The following SP140 variants were observed in gnomAD, a reference collection of about 807,000 sequenced individuals.
SP140 encodes SP140 nuclear body protein.
SP140 carries 81 observed loss-of-function variants against 125.0 expected under a neutral mutation model. That is an observed-to-expected ratio of 0.65 (90% CI 0.54 to 0.78). The LOEUF is 0.78. Among genes scored for constraint, SP140 ranks in the 30% least tolerant of loss-of-function variants. The probability of loss-of-function intolerance (pLI) is 0.00; values close to 1 mark genes in which losing one functional copy is unlikely to be tolerated. For missense variants in SP140, 858 were observed against 1,037.0 expected (o/e 0.83, Z 2.37); for synonymous variants, 312 against 354.0 (o/e 0.88, Z 1.33).
At chr2:230,312,507 T>C in intron 26 of SP140, 79 bp from the exon 27 acceptor site, 1 of 922,100 alleles carries the variant, frequency 1.1e-6, no homozygotes, top group South Asian at 1.5e-5. Context: ...AAGACAAGAG[T>C]CCTGATCATT....
downstream of SP140, among the ~76,000 whole-genome samples, chr2:230,314,235 GGAA>G (rs2059465222): frequency 6.6e-6 from 1 of 152,136 alleles, no homozygotes; most frequent in South Asian, 2.1e-4. Flanking sequence ...TCCCCTTGTT[GGAA>G]GAATGAGCTA....
chr2:230,251,116 T>G, intron 10 of SP140, 55 bp downstream of exon 10: 4 of 1,429,502 alleles, frequency 2.8e-6, no homozygotes, highest in South Asian at 1.2e-5. Flanking sequence ...GAGGTTGAAT[T>G]TGGAGCTTGT....
Position 230,211,372 on chromosome 2 carries a change from C to G in SP140, c.-322-2282C>G, listed in dbSNP as rs2044454523. On this transcript the variant is annotated intron_variant, in intron 1 of 4. Coordinates refer to the SP140 transcript ENST00000456542. The surrounding 1 kb of genome is among the most constrained non-coding windows in gnomAD (Gnocchi z 4.2). ...AAGCTGGGCCAAGATTGCTGAGAGG[C>G]AGGAGGAGAGCCCCCTCTCTAGAAG... 2 of 820,292 alleles carry G rather than the reference C, an allele frequency of 2.4e-6. No homozygotes were observed. The highest frequency in any genetic ancestry group is 4.9e-5 in the East Asian group (2 of 41,034). The allele number at this position is 820,292 out of a possible 1,614,324, so 50.8% of individuals were successfully genotyped here. A position where few individuals can be genotyped will look rare whatever the true frequency, so the allele number is the denominator to read the frequency against.
intron 22 of SP140, among the ~76,000 whole-genome samples, chr2:230,307,982 TATATATATACACACACAC>T (rs1194160753): frequency 8.9e-4 from 83 of 93,610 alleles, no homozygotes; most frequent in African/African-American, 3.2e-3. Context: ...TATATATATA[TATATATATACACACACAC>T]ACACACACAC....
chr2:230,201,897 A>C (rs1429172830), upstream of SP140, among the ~76,000 whole-genome samples: 1 of 152,242 alleles, frequency 6.6e-6, no homozygotes, highest in African/African-American at 2.4e-5. Flanking sequence ...GTAGTATTAA[A>C]GGTGAATATC....
intron 10 of SP140, among the ~76,000 whole-genome samples, chr2:230,252,383 G>A (rs2050504978): frequency 1.3e-5 from 2 of 151,988 alleles, no homozygotes; most frequent in South Asian, 4.2e-4. Context: ...TGCCTTAATA[G>A]GCATAGAGTG....
intron 16 of SP140, among the ~76,000 whole-genome samples, chr2:230,285,396 G>T (rs2056240276): frequency 6.6e-6 from 1 of 152,146 alleles, no homozygotes; most frequent in Non-Finnish European, 1.5e-5. Flanking sequence ...GTTGGTGGAT[G>T]TGACAGCTTT....
At chr2:230,205,369 T>C (rs1232120762) in intron 1 of SP140, among the ~76,000 whole-genome samples, 1 of 152,212 alleles carries the variant, frequency 6.6e-6, no homozygotes, top group Non-Finnish European at 1.5e-5. Context: ...TCAGGTTCTT[T>C]GCACTTTTGA....
At chr2:230,248,837 G>C (rs568957474) in intron 8 of SP140, 48 bp from the exon 9 acceptor site, 1 of 1,482,268 alleles carries the variant, frequency 6.7e-7, no homozygotes, top group Admixed American at 1.7e-5. Flanking sequence ...ACTGAGGCCT[G>C]TGTCCAAGTC....
chr2:230,233,116 A>G (rs2047488857), intron 1 of SP140, among the ~76,000 whole-genome samples: 1 of 152,030 alleles, frequency 6.6e-6, no homozygotes. Flanking sequence ...TTTATTTTCT[A>G]TAAGAAAAAG....
At chr2:230,283,158 G>A (rs1270884655) in intron 15 of SP140, among the ~76,000 whole-genome samples, 2 of 152,284 alleles carry the variant, frequency 1.3e-5, no homozygotes, top group Admixed American at 6.5e-5. Context: ...TCTCAGAGGC[G>A]GGAGCGCTGG....
upstream of SP140, among the ~76,000 whole-genome samples, chr2:230,223,839 G>T (rs541905240): frequency 6.6e-6 from 1 of 152,192 alleles, no homozygotes; most frequent in Non-Finnish European, 1.5e-5. Flanking sequence ...AAATCTTCCA[G>T]GTAGAATGAA....
chr2:230,215,900 T>C (rs1215649038), intron 3 of SP140, among the ~76,000 whole-genome samples: 1 of 152,166 alleles, frequency 6.6e-6, no homozygotes, highest in African/African-American at 2.4e-5. Context: ...CTTCATGAGA[T>C]GAGTTGGCCA....
At chr2:230,228,859 CT>C (rs2046836716) in intron 1 of SP140, among the ~76,000 whole-genome samples, 4 of 152,074 alleles carry the variant, frequency 2.6e-5, no homozygotes, top group African/African-American at 9.6e-5. Flanking sequence ...GATCTCTTGT[CT>C]TTTAATTGGT....
chr2:230,257,279 C>A lies in SP140; in HGVS notation c.1240+1747C>A, dbSNP rs189604325. On this transcript the variant is annotated intron_variant, in intron 12 of 26. Coordinates refer to ENST00000392045, the MANE Select transcript of SP140 (RefSeq NM_007237.5). Reference sequence around the variant, plus strand: ...AAATACTTGAATGTAATCTACGATACGAGATAGGAGATATCCAGAAAAATA... The same window carrying A: ...AAATACTTGAATGTAATCTACGATAAGAGATAGGAGATATCCAGAAAAATA... 5.8e-3 allele frequency among the ~76,000 whole-genome samples: 876 copies of A among 151,258 alleles called. 3 individuals carry two copies. The highest frequency in any genetic ancestry group is 0.01 in the Non-Finnish European group (698 of 67,858).
At chr2:230,222,850 T>G (rs548229922), upstream of SP140, among the ~76,000 whole-genome samples, 30 of 151,640 alleles carry the variant, frequency 2.0e-4, no homozygotes, top group East Asian at 5.0e-3. Context: ...GTTTTTTTTT[T>G]TTTTTTTTTT....
chr2:230,215,686 A>T lies in SP140; in HGVS notation c.-91+1612A>T, dbSNP rs577213850. Among the ~76,000 whole-genome samples the T allele has an allele frequency of 5.9e-5, 9 of 152,332 alleles. No individual in the cohort carries two copies. The South Asian group carries it at 1.5e-3, about 25-fold the overall frequency. On this transcript the variant is annotated intron_variant, in intron 3 of 4. Transcript: ENST00000456542. ...AACTGATTGCAAATAATTATTGAAC[A>T]TCTACTAGGCTCGGTCAGCGAGTCT...
chr2:230,295,640 C>G (rs575333477), intron 21 of SP140, among the ~76,000 whole-genome samples: 1 of 152,278 alleles, frequency 6.6e-6, no homozygotes, highest in African/African-American at 2.4e-5. Context: ...CTCCATGGGT[C>G]CTCTGTGCCT....
chr2:230,292,940 A>G (rs2057296928), intron 20 of SP140, 152 bp downstream of exon 20: 2 of 1,154,442 alleles, frequency 1.7e-6, no homozygotes, highest in Non-Finnish European at 1.2e-6. Flanking sequence ...CCCCACATTC[A>G]TAACCACACT....
Sources: allele counts gnomAD v4.1 joint callset (sites outside exome capture counted in the v4.1 genomes callset), GRCh38; gene constraint gnomAD v4.1.1; non-coding constraint Gnocchi (gnomAD v3.1); transcripts MANE v1.5; gene names NCBI Gene and HGNC (gene_info 2026-07-23, HGNC 2026-07-21).